AP2B1: variants seen among roughly 807,000 people sequenced by gnomAD.
The protein encoded by AP2B1 is AP-2 complex subunit beta.
Under a neutral mutation model 102.0 loss-of-function variants are expected in AP2B1, and 23 were observed. The ratio of observed to expected loss-of-function variants is 0.23; its 90% confidence interval spans 0.16 to 0.32. AP2B1 has a LOEUF of 0.32. AP2B1 is among the 10% of genes least tolerant of loss of function. AP2B1 has a pLI of 1.00. For missense variants in AP2B1, 541 were observed against 1,157.4 expected, an observed-to-expected ratio of 0.47 and a Z score of 7.73; for synonymous variants, 381 against 421.2, an observed-to-expected ratio of 0.90 and a Z score of 1.17.
chr17:35,610,350 G>T lies in AP2B1; in HGVS notation c.525+1963G>T, dbSNP rs1382689619. ...TTTAGTAGAGACGACGTTGCACCAT[G>T]TTGGCCAGGCTGGTCTCAAACTCTT... On this transcript the variant is annotated intron_variant, in intron 5 of 21. Coordinates refer to ENST00000610402, the MANE Select transcript of AP2B1 (RefSeq NM_001030006.2). 4.6e-5 allele frequency among the ~76,000 whole-genome samples: 7 copies of T among 151,900 alleles called. No individual in the cohort carries two copies. The East Asian group carries it at 1.2e-3, about 25-fold the overall frequency.
intron 14 of AP2B1, among the ~76,000 whole-genome samples, chr17:35,663,101 C>T (rs936427023): frequency 1.3e-5 from 2 of 152,216 alleles, no homozygotes; most frequent in Non-Finnish European, 2.9e-5. Context: ...AATCCATCAT[C>T]TATACTAGTT....
chr17:35,651,341 A>G (rs2142832490), intron 13 of AP2B1, among the ~76,000 whole-genome samples: 1 of 152,132 alleles, frequency 6.6e-6, no homozygotes, highest in Admixed American at 6.5e-5. Flanking sequence ...GTACTTTTTT[A>G]TATTGGCCAT....
At chr17:35,626,557 T>C in intron 6 of AP2B1, 64 bp from the exon 7 acceptor site, 1 of 1,354,208 alleles carries the variant, frequency 7.4e-7, no homozygotes, top group Admixed American at 1.8e-5. Flanking sequence ...ACATATTACC[T>C]TATAGAATGA....
At chr17:35,707,157 T>TGTTGTTG (rs71152746) in intron 18 of AP2B1, among the ~76,000 whole-genome samples, 1 of 133,474 alleles carries the variant, frequency 7.5e-6, no homozygotes, top group Non-Finnish European at 1.6e-5. Flanking sequence ...TTGTTGTTGT[T>TGTTGTTG]TTGTTTTTTG....
chr17:35,627,419 T>C lies in AP2B1; in HGVS notation c.973T>C (p.Phe325Leu). The stretch of plus-strand genomic sequence containing the variant: ...CTTGAAGCAGGAAATCAAAGTCTTC[T>C]TTGTGAAGTACAATGATCCCATCTA... ...EILKQEIKVFFVKYNDPIYVK... is the reference protein window; with the variant it reads ...EILKQEIKVFLVKYNDPIYVK... Residue 325 changes from phenylalanine to leucine, a missense_variant, in exon 8 of 22, where the codon TTT becomes CTT. Phe to Leu is a conservative substitution (Grantham distance 22, BLOSUM62 0). Around this residue, in one of 10 missense-constraint regions of AP2B1, gnomAD observed 134 missense variants for 250.2 expected, o/e 0.54. Coordinates refer to ENST00000610402, the MANE Select transcript of AP2B1 (RefSeq NM_001030006.2). 1 of 1,614,022 alleles carries C rather than the reference T, an allele frequency of 6.2e-7. No homozygotes were observed. The highest frequency in any genetic ancestry group is 8.5e-7 in the Non-Finnish European group (1 of 1,179,956).
chr17:35,655,172 A>T (rs2075186674), intron 13 of AP2B1, among the ~76,000 whole-genome samples: 1 of 152,160 alleles, frequency 6.6e-6, no homozygotes, highest in African/African-American at 2.4e-5. Context: ...TATTGCTTCT[A>T]TTAAGTAATA....
At chr17:35,605,009 G>A (rs971013116) in intron 3 of AP2B1, among the ~76,000 whole-genome samples, 26 of 151,846 alleles carry the variant, frequency 1.7e-4, no homozygotes, top group African/African-American at 5.6e-4. Flanking sequence ...CTGCAGTCTC[G>A]ACCTCCTGCT....
intron 18 of AP2B1, among the ~76,000 whole-genome samples, chr17:35,705,673 C>T (rs2076326612): frequency 6.6e-6 from 1 of 152,070 alleles, no homozygotes; most frequent in Non-Finnish European, 1.5e-5. Flanking sequence ...AGGTGCATGC[C>T]ACCACGCCCA....
At chr17:35,692,067 G>C (rs1840681113) in intron 18 of AP2B1, among the ~76,000 whole-genome samples, 1 of 152,078 alleles carries the variant, frequency 6.6e-6, no homozygotes, top group African/African-American at 2.4e-5. Flanking sequence ...GGATCTTTTA[G>C]CAGTATATCT....
intron 19 of AP2B1, among the ~76,000 whole-genome samples, chr17:35,709,518 A>G (rs2076406385): frequency 2.0e-5 from 3 of 152,178 alleles, no homozygotes; most frequent in Admixed American, 2.0e-4. Context: ...ACAGTGCCCA[A>G]TATCTGAATA....
At chr17:35,702,180 G>A (rs1410080981) in intron 18 of AP2B1, among the ~76,000 whole-genome samples, 2 of 152,154 alleles carry the variant, frequency 1.3e-5, no homozygotes, top group Admixed American at 1.3e-4. Flanking sequence ...CAGATGGTAG[G>A]GAGGACAGTG....
At chr17:35,650,241 C>T (rs1323898101) in intron 12 of AP2B1, among the ~76,000 whole-genome samples, 3 of 151,946 alleles carry the variant, frequency 2.0e-5, no homozygotes, top group African/African-American at 7.3e-5. Flanking sequence ...TGAGCCACTG[C>T]GCCTGGCTGG....
chr17:35,611,642 A>G (rs2073868614), intron 5 of AP2B1, among the ~76,000 whole-genome samples: 1 of 152,212 alleles, frequency 6.6e-6, no homozygotes, highest in Admixed American at 6.5e-5. Context: ...AGTCCATAAA[A>G]TCAGGTGGCA....
chr17:35,710,152 A>G (rs1339057435), intron 19 of AP2B1, 82 bp from the exon 20 acceptor site: 4 of 985,550 alleles, frequency 4.1e-6, no homozygotes, highest in Non-Finnish European at 6.4e-6. Context: ...AGCATGCCAA[A>G]GGAAAAATGA....
At chr17:35,685,488 C>T (rs1296395502) in intron 18 of AP2B1, among the ~76,000 whole-genome samples, 2 of 151,868 alleles carry the variant, frequency 1.3e-5, no homozygotes, top group Non-Finnish European at 2.9e-5. Context: ...TTCAAGAGCT[C>T]ATGTGGGAAA....
chr17:35,626,525 G>T (rs959163840), intron 6 of AP2B1, 96 bp from the exon 7 acceptor site: 15 of 1,014,748 alleles, frequency 1.5e-5, no homozygotes, highest in Middle Eastern at 3.3e-4. Context: ...TTAATTTTTT[G>T]ATACTTGGCC....
intron 4 of AP2B1, 66 bp from the exon 5 acceptor site, chr17:35,608,076 A>G (rs1015014044): frequency 7.0e-6 from 11 of 1,580,588 alleles, no homozygotes; most frequent in East Asian, 2.2e-5. Context: ...TGCAGCTTAC[A>G]TAAACTGGAC....
At chr17:35,675,831 TA>T (rs546290814) in intron 17 of AP2B1, among the ~76,000 whole-genome samples, 6 of 151,912 alleles carry the variant, frequency 3.9e-5, no homozygotes, top group South Asian at 2.1e-4. Context: ...CTCTAATCGT[TA>T]AAAAAAATCA....
chr17:35,719,642 T>C (rs918147999), intron 21 of AP2B1, among the ~76,000 whole-genome samples: 4 of 152,230 alleles, frequency 2.6e-5, no homozygotes, highest in South Asian at 2.1e-4. Flanking sequence ...GAAGAATATT[T>C]TCTCCTTTAT....
Sources: gnomAD v4.1 joint callset for allele counts (sites outside exome capture counted in the v4.1 genomes callset) on GRCh38, gnomAD v4.1.1 for gene constraint, gnomAD v4.1.1 regional missense constraint, MANE v1.5 for transcripts, NCBI Gene and HGNC (gene_info 2026-07-23, HGNC 2026-07-21) for gene names.